The following PLEKHH2 variants were observed in gnomAD, a reference collection of about 807,000 sequenced individuals.
PLEKHH2 encodes the protein pleckstrin homology domain-containing family H member 2.
PLEKHH2 carries 129 observed loss-of-function variants against 187.9 expected under a neutral mutation model. The ratio of observed to expected loss-of-function variants is 0.69; its 90% CI spans 0.59 to 0.79. The LOEUF is 0.79. Among genes scored for constraint, PLEKHH2 ranks in the 30% least tolerant of loss-of-function variants. PLEKHH2 has a pLI of 0.00. For synonymous variants in PLEKHH2, 686 were observed against 605.6 expected, an observed-to-expected ratio of 1.13 and a Z score of -1.95; for missense variants, 2,076 against 1,751.2, an observed-to-expected ratio of 1.19 and a Z score of -3.31.
rs892362556 is a variant in PLEKHH2, at chr2:43,731,682, A to G, written c.2943+80A>G. 9.2e-6 allele frequency: 9 copies of G among 982,600 alleles called. No homozygotes were observed. The East Asian group carries it at 2.1e-4, about 22-fold the overall frequency. 60.9% of individuals were successfully genotyped at this position (982,600 alleles called of 1,614,324 possible). ...AAATAATTGGAAAAAAATTAAAAAT[A>G]ACATTTTGGGTTACAAAATTTTACT... On this transcript the variant is annotated intron_variant, in intron 19 of 29. Transcript: ENST00000282406.
chr2:43,640,844 G>A (rs892725706), intron 1 of PLEKHH2, among the ~76,000 whole-genome samples: 1 of 151,734 alleles, frequency 6.6e-6, no homozygotes, highest in Non-Finnish European at 1.5e-5. Context: ...GAGTGCAGTG[G>A]TGTGAACATG....
At chr2:43,678,494 G>A (rs570347251) in intron 2 of PLEKHH2, among the ~76,000 whole-genome samples, 31 of 152,334 alleles carry the variant, frequency 2.0e-4, no homozygotes, top group African/African-American at 3.4e-4. Context: ...GATCACTCGC[G>A]GTTAGGAGCT....
chr2:43,652,518 C>G (rs1293927456), intron 2 of PLEKHH2, among the ~76,000 whole-genome samples: 1 of 152,188 alleles, frequency 6.6e-6, no homozygotes, highest in Non-Finnish European at 1.5e-5. Context: ...TCCTAAAATG[C>G]TAGCAGCCAC....
chr2:43,767,200 T>A lies in PLEKHH2; in HGVS notation c.*1602T>A, dbSNP rs1176179177. Reference sequence around the variant, plus strand: ...ATATTTATCACTTTGTCATTTTTTTTAACCAATTTGAGAAATGTTAGCTGC... The same window carrying A: ...ATATTTATCACTTTGTCATTTTTTTAAACCAATTTGAGAAATGTTAGCTGC... On this transcript the variant is annotated 3_prime_UTR_variant, in exon 30 of 30. Coordinates refer to ENST00000282406, the MANE Select transcript of PLEKHH2 (RefSeq NM_172069.4). 1 of 152,400 alleles carries A rather than the reference T, an allele frequency of 6.6e-6. No homozygotes were observed. The highest frequency in any genetic ancestry group is 6.5e-5 in the Admixed American group (1 of 15,284). The allele number at this position is 152,400 out of a possible 1,614,324, so 9.4% of individuals were successfully genotyped here. A position where few individuals can be genotyped will look rare whatever the true frequency, so the allele number is the denominator to read the frequency against.
chr2:43,657,260 C>G (rs1293471911), intron 2 of PLEKHH2, among the ~76,000 whole-genome samples: 1 of 152,124 alleles, frequency 6.6e-6, no homozygotes, highest in Non-Finnish European at 1.5e-5. Context: ...GTCTCCTGGC[C>G]TCCCATCTCA....
At chr2:43,656,226 G>A (rs867900289) in intron 2 of PLEKHH2, among the ~76,000 whole-genome samples, 2 of 152,106 alleles carry the variant, frequency 1.3e-5, no homozygotes, top group Admixed American at 6.5e-5. Flanking sequence ...CAAAGTGCTG[G>A]GATTACAGGC....
intron 27 of PLEKHH2, among the ~76,000 whole-genome samples, chr2:43,759,494 A>G (rs1672345244): frequency 6.6e-6 from 1 of 152,228 alleles, no homozygotes; most frequent in Non-Finnish European, 1.5e-5. Context: ...GGCAAATATC[A>G]CTATGAGTCA....
chr2:43,704,179 GGT>G lies in PLEKHH2; in HGVS notation c.1726+126_1726+127del, dbSNP rs1284549285. 4.6e-6 allele frequency: 3 copies of G among 647,380 alleles called. No homozygotes were observed. The East Asian group carries it at 8.8e-5, about 19-fold the overall frequency. The allele number at this position is 647,380 out of a possible 1,614,324, so 40.1% of individuals were successfully genotyped here. A position where few individuals can be genotyped will look rare whatever the true frequency, so the allele number is the denominator to read the frequency against. On this transcript the variant is annotated intron_variant, in intron 9 of 29. Coordinates refer to ENST00000282406, the MANE Select transcript of PLEKHH2 (RefSeq NM_172069.4). ...ATACTGTATGATTCCACCTAAAGGA[GGT>G]GTTTAAAGGGTCAAATTCATAGGAA... is the stretch of plus-strand genomic sequence containing the variant.
At chr2:43,641,234 A>G (rs1027100909) in intron 1 of PLEKHH2, among the ~76,000 whole-genome samples, 1 of 152,160 alleles carries the variant, frequency 6.6e-6, no homozygotes, top group Non-Finnish European at 1.5e-5. Flanking sequence ...CTTTCTTGAT[A>G]GTGTCCTTTG....
chr2:43,716,513 A>G (rs1466762919), intron 15 of PLEKHH2, among the ~76,000 whole-genome samples: 1 of 152,210 alleles, frequency 6.6e-6, no homozygotes, highest in Non-Finnish European at 1.5e-5. Context: ...TTGAAGGCCC[A>G]CCAGACTTTC....
At chr2:43,731,660 T>C in intron 19 of PLEKHH2, 58 bp downstream of exon 19, 4 of 1,107,010 alleles carry the variant, frequency 3.6e-6, no homozygotes, top group Non-Finnish European at 5.0e-6. Context: ...TGTTGTTAAA[T>C]AATTGGAAAA....
intron 21 of PLEKHH2, among the ~76,000 whole-genome samples, chr2:43,742,537 G>T (rs996673063): frequency 1.3e-5 from 2 of 152,102 alleles, no homozygotes; most frequent in African/African-American, 4.8e-5. Flanking sequence ...TTTGTGGGGA[G>T]GTTTGAGTGA....
At chr2:43,651,472 T>C (rs1666469486) in intron 2 of PLEKHH2, among the ~76,000 whole-genome samples, 1 of 152,254 alleles carries the variant, frequency 6.6e-6, no homozygotes, top group Non-Finnish European at 1.5e-5. Flanking sequence ...CTATTATGAA[T>C]GTTATGCTTT....
rs1672597790 is a variant in PLEKHH2, at chr2:43,765,695, C to G, written c.*97C>G. ...TACACCTGGCAGCACGGCAGCCACA[C>G]ACCGGTATTCCAAACCTTAACAATG... On this transcript the variant is annotated 3_prime_UTR_variant, in exon 30 of 30. Transcript: ENST00000282406. The G allele has an allele frequency of 2.6e-6, 3 of 1,155,312 alleles. No homozygotes were observed. In the South Asian group the frequency reaches 5.2e-5, roughly 20 times the overall value. 71.6% of individuals were successfully genotyped at this position (1,155,312 alleles called of 1,614,324 possible).
At position 43,747,215 on chromosome 2, in the gene PLEKHH2, C is replaced by A. The variant is rs1671821476; in HGVS notation, c.3653+1252C>A. Among the ~76,000 whole-genome samples the A allele has an allele frequency of 3.9e-5, 6 of 152,068 alleles. 1 individual carries two copies. The South Asian group carries it at 1.2e-3, about 32-fold the overall frequency. Reference sequence around the variant, plus strand: ...AAATTGTAATAAATACAGACAGACCCAGTTCCTGATCTTTTGGAATCTACG... The same window carrying A: ...AAATTGTAATAAATACAGACAGACCAAGTTCCTGATCTTTTGGAATCTACG... On this transcript the variant is annotated intron_variant, in intron 24 of 29. Coordinates refer to ENST00000282406, the MANE Select transcript of PLEKHH2 (RefSeq NM_172069.4).
At chr2:43,694,708 A>G (rs923665526) in intron 5 of PLEKHH2, among the ~76,000 whole-genome samples, 194 bp downstream of exon 5, 11 of 152,220 alleles carry the variant, frequency 7.2e-5, no homozygotes, top group Non-Finnish European at 1.6e-4. Flanking sequence ...ACATATTAAT[A>G]GACTCATGAG....
Position 43,745,970 on chromosome 2 carries a change from A to T in PLEKHH2, c.3653+7A>T. 1.3e-6 allele frequency: 2 copies of T among 1,575,388 alleles called. No individual in the cohort carries two copies. Among genetic ancestry groups the T allele is most frequent in the Non-Finnish European group, 1.7e-6 (2 of 1,149,674 alleles). On this transcript the variant is annotated splice_region_variant and intron_variant, in intron 24 of 29. Coordinates refer to ENST00000282406, the MANE Select transcript of PLEKHH2 (RefSeq NM_172069.4). Reference sequence around the variant, plus strand: ...GTCTGACATACAAAAACAGGTGTGTAATACTGCATCCAGATGCCAAAGTAT... The same window carrying T: ...GTCTGACATACAAAAACAGGTGTGTTATACTGCATCCAGATGCCAAAGTAT...
intron 2 of PLEKHH2, among the ~76,000 whole-genome samples, chr2:43,655,063 C>T (rs943311956): frequency 1.3e-5 from 2 of 151,454 alleles, no homozygotes; most frequent in African/African-American, 4.9e-5. Flanking sequence ...CAAAATTAGC[C>T]AGGTGTGGTG....
At position 43,756,918 on chromosome 2, in the gene PLEKHH2, C is replaced by T. The variant is rs760663722; in HGVS notation, c.3796-201C>T. On this transcript the variant is annotated intron_variant, in intron 25 of 29. Coordinates refer to ENST00000282406, the MANE Select transcript of PLEKHH2 (RefSeq NM_172069.4). ...GAGCCTGGGTGACAGAGTGAGACTC[C>T]GTCTCAAAAAAAAAATTATAATTCA... Among the ~76,000 whole-genome samples the T allele has an allele frequency of 4.0e-5, 6 of 150,924 alleles. No individual in the cohort carries two copies. The East Asian group carries it at 5.8e-4, about 15-fold the overall frequency.
Sources: allele counts gnomAD v4.1 joint callset (sites outside exome capture counted in the v4.1 genomes callset), GRCh38; gene constraint gnomAD v4.1.1; transcripts MANE v1.5; gene names NCBI Gene and HGNC (gene_info 2026-07-23, HGNC 2026-07-21).